TBC1D32: variants seen among roughly 807,000 people sequenced by gnomAD.
TBC1D32 encodes the protein TBC1 domain family member 32, also known as protein broad-minded.
TBC1D32 carries 151 observed loss-of-function variants against 170.3 expected under a neutral mutation model. The observed-to-expected ratio is 0.89, with a 90% CI of 0.78 to 1.01. The LOEUF is 1.01. Among genes scored for constraint, TBC1D32 ranks in the 50% least tolerant of loss-of-function variants. The pLI, the probability that TBC1D32 is intolerant of heterozygous loss-of-function variation, is 0.00. For synonymous variants in TBC1D32, 498 were observed against 488.0 expected (o/e 1.02, Z -0.27); for missense variants, 1,464 against 1,457.1 (o/e 1.00, Z -0.08).
At chr6:121,307,614 C>T (rs142782504) in intron 5 of TBC1D32, among the ~76,000 whole-genome samples, 1 of 152,268 alleles carries the variant, frequency 6.6e-6, no homozygotes, top group Non-Finnish European at 1.5e-5. Context: ...AATCCCAGCA[C>T]TTTGGGAGGC....
intron 24 of TBC1D32, among the ~76,000 whole-genome samples, chr6:121,138,528 T>C (rs968180350): frequency 8.5e-5 from 13 of 152,314 alleles, no homozygotes; most frequent in African/African-American, 3.1e-4. Flanking sequence ...CAAGATTTAC[T>C]ACAGAGGGGA....
intron 24 of TBC1D32, 26 bp downstream of exon 24, chr6:121,159,984 A>G (rs1785409496): frequency 7.1e-7 from 1 of 1,406,844 alleles, no homozygotes; most frequent in Non-Finnish European, 9.9e-7. Context: ...TAAAAATAAT[A>G]TGGCATTTGA....
chr6:121,116,940 A>G (rs1252436466), intron 26 of TBC1D32, among the ~76,000 whole-genome samples: 1 of 152,166 alleles, frequency 6.6e-6, no homozygotes, highest in Non-Finnish European at 1.5e-5. Context: ...TCAACAGATA[A>G]TGGTTCTAAA....
At chr6:121,208,273 A>G (rs1583218511) in intron 21 of TBC1D32, among the ~76,000 whole-genome samples, 1 of 152,134 alleles carries the variant, frequency 6.6e-6, no homozygotes, top group African/African-American at 2.4e-5. Flanking sequence ...TATTTAAAAA[A>G]AAAGGAGGTT....
chr6:121,161,349 TC>T (rs1382800822), intron 22 of TBC1D32, among the ~76,000 whole-genome samples: 1 of 152,066 alleles, frequency 6.6e-6, no homozygotes, highest in Non-Finnish European at 1.5e-5. Context: ...CTCTCCCTCC[TC>T]CCCAGCTTCA....
At chr6:121,200,341 G>A (rs1161728765) in intron 22 of TBC1D32, among the ~76,000 whole-genome samples, 2 of 151,292 alleles carry the variant, frequency 1.3e-5, no homozygotes, top group Non-Finnish European at 2.9e-5. Context: ...AAAACTTAAT[G>A]TGGTCAGTTT....
chr6:121,183,098 C>T (rs1788749697), intron 22 of TBC1D32, among the ~76,000 whole-genome samples: 1 of 151,796 alleles, frequency 6.6e-6, no homozygotes. Context: ...GTATGTGTCT[C>T]TTAGGACACA....
Position 121,321,304 on chromosome 6 carries a change from G to A in TBC1D32, c.317+329C>T, listed in dbSNP as rs139792266. ...CATGAGTGCAAATCCCTCCGGGAGG[G>A]ACTTACTTGGTTTTTTGCAAAAGAG... On this transcript the variant is annotated intron_variant, in intron 2 of 31. Coordinates refer to ENST00000398212, the MANE Select transcript of TBC1D32 (RefSeq NM_152730.6). 2.6e-3 allele frequency among the ~76,000 whole-genome samples: 392 copies of A among 152,234 alleles called. 4 individuals are homozygous for A. The highest frequency in any genetic ancestry group is 9.1e-3 in the African/African-American group (380 of 41,554).
intron 24 of TBC1D32, among the ~76,000 whole-genome samples, chr6:121,140,685 T>C (rs1044528265): frequency 1.3e-5 from 2 of 152,124 alleles, no homozygotes; most frequent in African/African-American, 4.8e-5. Context: ...GTACATTTTT[T>C]AGTTATTTTT....
At chr6:121,097,825 G>T (rs1330838271) in intron 30 of TBC1D32, among the ~76,000 whole-genome samples, 2 of 151,710 alleles carry the variant, frequency 1.3e-5, no homozygotes, top group African/African-American at 4.8e-5. Flanking sequence ...GACTGGATTA[G>T]GAAAATGTGG....
chr6:121,123,192 T>C (rs1030572165), intron 26 of TBC1D32, among the ~76,000 whole-genome samples: 22 of 152,130 alleles, frequency 1.4e-4, no homozygotes, highest in African/African-American at 5.3e-4. Context: ...GGCTTTACTG[T>C]GTTGAGGTAT....
chr6:121,304,232 A>C, intron 8 of TBC1D32, 133 bp downstream of exon 8: 1 of 693,954 alleles, frequency 1.4e-6, no homozygotes, highest in Non-Finnish European at 2.3e-6. Flanking sequence ...AGAAAAATAA[A>C]AATAAAAATT....
intron 31 of TBC1D32, among the ~76,000 whole-genome samples, chr6:121,089,432 T>C (rs530081957): frequency 6.6e-6 from 1 of 152,290 alleles, no homozygotes; most frequent in South Asian, 2.1e-4. Flanking sequence ...CTGAAATTCC[T>C]ATAACTGACC....
chr6:121,194,561 G>A (rs574789445), intron 22 of TBC1D32, among the ~76,000 whole-genome samples: 1 of 152,298 alleles, frequency 6.6e-6, no homozygotes, highest in African/African-American at 2.4e-5. Context: ...GACTCCAACT[G>A]CAGCTGCTGT....
chr6:121,233,074 C>T (rs1406310326), intron 20 of TBC1D32, among the ~76,000 whole-genome samples: 1 of 151,898 alleles, frequency 6.6e-6, no homozygotes, highest in African/African-American at 2.4e-5. Flanking sequence ...TGAGAGAGTA[C>T]CTGATATAAT....
chr6:121,086,811 T>A (rs941131161), intron 31 of TBC1D32, among the ~76,000 whole-genome samples: 1 of 152,158 alleles, frequency 6.6e-6, no homozygotes, highest in African/African-American at 2.4e-5. Context: ...ACTAAAACAC[T>A]AGGACATCCA....
intron 4 of TBC1D32, among the ~76,000 whole-genome samples, chr6:121,309,500 A>C (rs747028531): frequency 2.8e-4 from 43 of 152,154 alleles, no homozygotes; most frequent in Non-Finnish European, 6.0e-4. Flanking sequence ...GTAAATCACA[A>C]CTATTCATTT....
At chr6:121,107,050 T>C (rs1463254905) in intron 29 of TBC1D32, among the ~76,000 whole-genome samples, 2 of 152,002 alleles carry the variant, frequency 1.3e-5, no homozygotes, top group East Asian at 3.9e-4. Context: ...ACAAAAAAAG[T>C]TAATCAAATT....
intron 15 of TBC1D32, among the ~76,000 whole-genome samples, chr6:121,269,610 A>G (rs1173619523): frequency 6.6e-6 from 1 of 152,204 alleles, no homozygotes; most frequent in Non-Finnish European, 1.5e-5. Context: ...AGATTCATAA[A>G]GCAAGTCCTT....
Sources: allele counts gnomAD v4.1 joint callset (sites outside exome capture counted in the v4.1 genomes callset), GRCh38; gene constraint gnomAD v4.1.1; transcripts MANE v1.5; gene names NCBI Gene and HGNC (gene_info 2026-07-23, HGNC 2026-07-21).